Variants in ANK3 observed in about 807,000 individuals in gnomAD.
ANK3 encodes the protein ankyrin-3.
In ANK3, 57 loss-of-function variants were observed where a neutral mutation model predicts 370.9. The ratio of observed to expected loss-of-function variants is 0.15; its 90% CI spans 0.12 to 0.19. The LOEUF (loss-of-function observed/expected upper bound fraction) is 0.19. ANK3 is among the 10% of genes least tolerant of loss of function. The pLI is 1.00. For missense variants in ANK3, 4,439 were observed against 5,302.1 expected, an observed-to-expected ratio of 0.84 and a Z score of 5.06; for synonymous variants, 1,929 against 1,946.3, an observed-to-expected ratio of 0.99 and a Z score of 0.23.
chr10:60,380,974 C>G (rs2061472454), intron 1 of ANK3, among the ~76,000 whole-genome samples: 1 of 152,102 alleles, frequency 6.6e-6, no homozygotes, highest in Non-Finnish European at 1.5e-5. Context: ...AGCCACTGGG[C>G]CACCTTAGGT....
rs567832573 is a variant in ANK3, at chr10:60,414,237, A to C, written c.97-134598T>G. Among the ~76,000 whole-genome samples the C allele has an allele frequency of 5.3e-5, 8 of 152,310 alleles. No individual in the cohort carries two copies. The East Asian group carries it at 9.7e-4, about 18-fold the overall frequency. On this transcript the variant is annotated intron_variant, in intron 2 of 43. Transcript: ENST00000373827. ...CATGCCCACAAGAGATCTGTTCTGT[A>C]GAATAGATTCAATCCTGTTCCCAGC...
chr10:60,651,974 A>G (rs1410298786), intron 1 of ANK3, among the ~76,000 whole-genome samples: 1 of 152,254 alleles, frequency 6.6e-6, no homozygotes, highest in Non-Finnish European at 1.5e-5. Flanking sequence ...AGAAAAAAAT[A>G]TTAAACTTAC....
At chr10:60,256,612 G>C (rs2097740241) in intron 7 of ANK3, among the ~76,000 whole-genome samples, 1 of 152,144 alleles carries the variant, frequency 6.6e-6, no homozygotes, top group Non-Finnish European at 1.5e-5. Flanking sequence ...GTACCCAATA[G>C]GTAGTTTTTC....
intron 40 of ANK3, 94 bp from the exon 41 acceptor site, chr10:60,059,524 C>T: frequency 2.3e-6 from 3 of 1,280,092 alleles, no homozygotes; most frequent in East Asian, 4.6e-5. Context: ...TCTACTCCTT[C>T]TTCAAGTTGA....
At chr10:60,250,512 CT>C (rs985591677) in intron 7 of ANK3, among the ~76,000 whole-genome samples, 27 of 152,126 alleles carry the variant, frequency 1.8e-4, no homozygotes, top group South Asian at 2.1e-4. Flanking sequence ...CTACAGGTGC[CT>C]GCCACCACGC....
At position 60,070,628 on chromosome 10, in the gene ANK3, T is replaced by C. The variant is rs541758160; in HGVS notation, c.10253A>G (p.Tyr3418Cys). The C allele has an allele frequency of 1.9e-6, 3 of 1,614,170 alleles. No individual in the cohort carries two copies. Among genetic ancestry groups the C allele is most frequent in the East Asian group, 2.2e-5 (1 of 44,870 alleles). The stretch of plus-strand genomic sequence containing the variant: ...GCCATCATCTTCATCTTGCAGGTCA[T>C]AGCCATCCAGAGAGTCGATCTCTGT... ...DATEIDSLDG[Y>C]DLQDEDDGLT... is the part of the protein sequence containing the mutation. The change falls in exon 37 of 44, where the codon TAT becomes TGT. Residue 3418 changes from tyrosine to cysteine, a missense_variant. Transcript: ENST00000280772. The surrounding 1 kb of genome is among the most constrained non-coding windows in gnomAD (Gnocchi z 5.7).
At position 60,261,890 on chromosome 10, in the gene ANK3, T is replaced by C. The variant is rs2132642641; in HGVS notation, c.767A>G (p.Asn256Ser). 1.2e-6 allele frequency: 2 copies of C among 1,614,088 alleles called. No homozygotes were observed. The highest frequency in any genetic ancestry group is 4.5e-5 in the East Asian group (2 of 44,874). Residue 256 changes from asparagine (N) to serine (S), a missense_variant, in exon 7 of 44, where the codon AAC (asparagine) becomes AGC (serine). Physicochemically the swap from Asn to Ser is conservative, Grantham distance 46. This residue lies in a region of ANK3 where 227 missense variants were observed against 377.6 expected (regional missense o/e 0.60). Coordinates refer to ENST00000280772, the MANE Select transcript of ANK3 (RefSeq NM_020987.5). ...GNINVATLLL[N>S]RAAAVDFTAR... ...GGTGAAATCCACAGCAGCCGCTCGG[T>C]TTAACAGCAACGTGGCTACATTGAT... is the stretch of plus-strand genomic sequence containing the variant.
chr10:60,546,920 C>T (rs1379283381), intron 2 of ANK3, among the ~76,000 whole-genome samples: 2 of 151,950 alleles, frequency 1.3e-5, no homozygotes, highest in Non-Finnish European at 2.9e-5. Context: ...TAATATTAAC[C>T]TCATTTTACA....
At chr10:60,387,502 A>T (rs932105162) in intron 1 of ANK3, among the ~76,000 whole-genome samples, 4 of 152,230 alleles carry the variant, frequency 2.6e-5, no homozygotes, top group Non-Finnish European at 2.9e-5. Context: ...AATACACTGT[A>T]TCTTACAGAA....
At chr10:60,291,245 A>G (rs187545731) in intron 1 of ANK3, among the ~76,000 whole-genome samples, 80 of 152,292 alleles carry the variant, frequency 5.3e-4, no homozygotes, top group African/African-American at 1.8e-3. Context: ...GTAAGATCTT[A>G]AAAAGCCAGT....
rs375343103 is a variant in ANK3, at chr10:60,448,184, C to T, written c.96+167002G>A. 1.6e-3 allele frequency among the ~76,000 whole-genome samples: 240 copies of T among 152,228 alleles called. 1 individual carries two copies. The highest frequency in any genetic ancestry group is 5.4e-3 in the African/African-American group (224 of 41,526). On this transcript the variant is annotated intron_variant, in intron 2 of 43. Coordinates refer to the ANK3 transcript ENST00000373827. ...ATGGCCATAATGACCACAGCCTGTGCGCTAATGTCTATGTTCTACGACTGC... is the reference window on the plus strand; with the variant it reads ...ATGGCCATAATGACCACAGCCTGTGTGCTAATGTCTATGTTCTACGACTGC...
intron 39 of ANK3, 58 bp downstream of exon 39, chr10:60,064,099 A>G: frequency 6.9e-7 from 1 of 1,459,480 alleles, no homozygotes. Context: ...CAGTTGGCTT[A>G]TCTAAAATAT....
In ANK3 at chr10:60,239,109, A is replaced by G. The variant is rs971929562; in HGVS notation, c.799-4323T>C. 3.3e-5 allele frequency among the ~76,000 whole-genome samples: 5 copies of G among 152,276 alleles called. No individual in the cohort carries two copies. In the East Asian group the frequency reaches 7.7e-4, roughly 23 times the overall value. The stretch of plus-strand genomic sequence containing the variant: ...TATTTAAAATAAAAACATTAAGGAG[A>G]AAAAAGAGTGGAAAAGAAAGAACAG... On this transcript the variant is annotated intron_variant, in intron 7 of 43. Transcript: ENST00000280772.
At chr10:60,531,067 G>A (rs1159493832) in intron 2 of ANK3, among the ~76,000 whole-genome samples, 2 of 152,058 alleles carry the variant, frequency 1.3e-5, no homozygotes, top group African/African-American at 2.4e-5. Flanking sequence ...TTCAGAAATC[G>A]ATCTCTTCAG....
In ANK3 at chr10:60,297,733, C is replaced by T. The variant is rs76804996; in HGVS notation, c.115-18094G>A. ...TTTGATTATCATCCAAATTTATAAC[C>T]GACCTGAGGTAGCATCTTTATATTG... On this transcript the variant is annotated intron_variant, in intron 1 of 43. Coordinates refer to ENST00000280772, the MANE Select transcript of ANK3 (RefSeq NM_020987.5). Among the ~76,000 whole-genome samples the T allele has an allele frequency of 5.5e-3, 833 of 152,066 alleles. 3 individuals are homozygous for T. The highest frequency in any genetic ancestry group is 9.9e-3 in the Admixed American group (151 of 15,280).
chr10:60,402,972 G>A (rs944201538), intron 2 of ANK3, among the ~76,000 whole-genome samples: 1 of 152,216 alleles, frequency 6.6e-6, no homozygotes, highest in South Asian at 2.1e-4. Context: ...TACCAAAAAA[G>A]GCTGAGAATA....
intron 2 of ANK3, 78 bp from the exon 3 acceptor site, chr10:60,279,226 A>C: frequency 1.6e-6 from 2 of 1,268,504 alleles, no homozygotes; most frequent in African/African-American, 2.9e-5. Context: ...AACTCCTGAG[A>C]TATTATAAAG....
chr10:60,249,285 T>A (rs2132596239), intron 7 of ANK3, among the ~76,000 whole-genome samples: 1 of 152,346 alleles, frequency 6.6e-6, no homozygotes, highest in South Asian at 2.1e-4. Context: ...GATCTAATGA[T>A]ATTAGATTTC....
intron 27 of ANK3, among the ~76,000 whole-genome samples, chr10:60,106,765 G>A (rs964230888): frequency 6.6e-6 from 1 of 152,108 alleles, no homozygotes; most frequent in African/African-American, 2.4e-5. Context: ...TAAAAGAATG[G>A]CTGCAAATTG....
Sources: gnomAD v4.1 joint callset for allele counts (sites outside exome capture counted in the v4.1 genomes callset) on GRCh38, gnomAD v4.1.1 for gene constraint, gnomAD v4.1.1 regional missense constraint, Gnocchi (gnomAD v3.1) non-coding constraint, MANE v1.5 for transcripts, NCBI Gene and HGNC (gene_info 2026-07-23, HGNC 2026-07-21) for gene names.